Variants in ABHD6 observed in about 807,000 individuals in gnomAD.
The protein encoded by ABHD6 is abhydrolase domain containing 6, acylglycerol lipase, also known as monoacylglycerol lipase ABHD6.
In ABHD6, 33 loss-of-function variants were observed where a neutral mutation model predicts 38.8. The observed-to-expected ratio is 0.85, with a 90% CI of 0.64 to 1.14. The LOEUF is 1.14. Ranked by LOEUF, ABHD6 falls within the 50% of genes most tolerant of loss-of-function variation. The probability of loss-of-function intolerance (pLI) is 0.00; values close to 1 mark genes in which losing one functional copy is unlikely to be tolerated. For synonymous variants in ABHD6, 147 were observed against 161.6 expected, an observed-to-expected ratio of 0.91 and a Z score of 0.69; for missense variants, 380 against 422.6, an observed-to-expected ratio of 0.90 and a Z score of 0.88.
Position 58,281,046 on chromosome 3 carries a change from G to A in ABHD6, c.682-4039G>A, listed in dbSNP as rs543833287. Among the ~76,000 whole-genome samples, 17 of 152,314 alleles carry A rather than the reference G, an allele frequency of 1.1e-4. No homozygotes were observed. In the South Asian group the frequency reaches 2.7e-3, roughly 24 times the overall value. ...GAGGTGTCTCCCAGTTAGGCTACAC[G>A]AGGGTCAGGGACCCACTTGAGGAGG... On this transcript the variant is annotated intron_variant, in intron 7 of 9. Transcript: ENST00000478253.
intron 9 of ABHD6, among the ~76,000 whole-genome samples, chr3:58,292,880 C>G (rs2097464253): frequency 6.6e-6 from 1 of 152,174 alleles, no homozygotes; most frequent in African/African-American, 2.4e-5. Flanking sequence ...CACGCCACTT[C>G]ATTCCAGCCT....
At position 58,265,903 on chromosome 3, in the gene ABHD6, C is replaced by T. The variant is rs934630070; in HGVS notation, c.120-1286C>T. On this transcript the variant is annotated intron_variant, in intron 3 of 9. Transcript: ENST00000478253. This position sits in a 1 kb window ranked among gnomAD's most constrained non-coding sequence, Gnocchi z 4.2. ...CATTAATCTATTTATGAAGGCAAAACTGTCAGGGCCTAATTACCTCTTAAC... is the reference window on the plus strand; with the variant it reads ...CATTAATCTATTTATGAAGGCAAAATTGTCAGGGCCTAATTACCTCTTAAC... Among the ~76,000 whole-genome samples the T allele has an allele frequency of 2.0e-5, 3 of 152,166 alleles. No homozygotes were observed. Among genetic ancestry groups the T allele is most frequent in the Non-Finnish European group, 4.4e-5 (3 of 68,036 alleles).
rs2107458526 is a variant in ABHD6, at chr3:58,273,298, A to G, written c.524-1360A>G. ...GATTTTGCTGGGTGAGGTAGCTCAC[A>G]CCTGTAATCCCAACACTTTGGGAGG... On this transcript the variant is annotated intron_variant, in intron 6 of 9. Coordinates refer to ENST00000478253, the MANE Select transcript of ABHD6 (RefSeq NM_001320126.2). The surrounding 1 kb of genome is among the most constrained non-coding windows in gnomAD (Gnocchi z 4.8). Among the ~76,000 whole-genome samples the G allele has an allele frequency of 6.6e-6, 1 of 152,234 alleles. No homozygotes were observed. The highest frequency in any genetic ancestry group is 3.4e-3 in the Middle Eastern group (1 of 294).
intron 9 of ABHD6, among the ~76,000 whole-genome samples, chr3:58,291,533 A>G (rs544547853): frequency 1.3e-5 from 2 of 152,264 alleles, no homozygotes; most frequent in South Asian, 2.1e-4. Context: ...TGCTGATATT[A>G]TAGGTGTGAG....
rs2097440967 is a variant in ABHD6, at chr3:58,266,388, G to A, written c.120-801G>A. Among the ~76,000 whole-genome samples, 1 of 151,024 alleles carries A rather than the reference G, an allele frequency of 6.6e-6. No individual in the cohort carries two copies. The highest frequency in any genetic ancestry group is 1.9e-4 in the East Asian group (1 of 5,166). Reference sequence around the variant, plus strand: ...GAACCCGGGAGGTGGAGGTTGCAGTGAGCGGAAATTGCCCCAGCGTGGGTG... The same window carrying A: ...GAACCCGGGAGGTGGAGGTTGCAGTAAGCGGAAATTGCCCCAGCGTGGGTG... On this transcript the variant is annotated intron_variant, in intron 3 of 9. Transcript: ENST00000478253. This position sits in a 1 kb window ranked among gnomAD's most constrained non-coding sequence, Gnocchi z 4.0.
intron 3 of ABHD6, among the ~76,000 whole-genome samples, chr3:58,261,208 A>C (rs568565590): frequency 4.2e-4 from 64 of 152,328 alleles, no homozygotes; most frequent in African/African-American, 1.5e-3. Context: ...ACTTATATAA[A>C]TATAAGAAAG....
chr3:58,291,999 G>A (rs1172364269), intron 9 of ABHD6, among the ~76,000 whole-genome samples: 2 of 152,328 alleles, frequency 1.3e-5, no homozygotes, highest in East Asian at 3.9e-4. Context: ...TTTTCATGCT[G>A]TTTTCACCTA....
intron 7 of ABHD6, among the ~76,000 whole-genome samples, chr3:58,275,082 A>C (rs1390131154): frequency 6.6e-6 from 1 of 152,218 alleles, no homozygotes; most frequent in Non-Finnish European, 1.5e-5. Flanking sequence ...ACCAGTGGTC[A>C]TGAGTTTTAT....
chr3:58,256,452 T>G lies in ABHD6; in HGVS notation c.-25-110T>G. 1 of 639,392 alleles carries G rather than the reference T, an allele frequency of 1.6e-6. No homozygotes were observed. The highest frequency in any genetic ancestry group is 2.8e-5 in the East Asian group (1 of 35,262). 39.6% of individuals were successfully genotyped at this position (639,392 alleles called of 1,614,324 possible). On this transcript the variant is annotated intron_variant, in intron 2 of 9. Coordinates refer to ENST00000478253, the MANE Select transcript of ABHD6 (RefSeq NM_001320126.2). This position sits in a 1 kb window ranked among gnomAD's most constrained non-coding sequence, Gnocchi z 4.3. ...GCACTTGCCTGCTTTGGTTTCCTCC[T>G]GTTCTTTACCCTCACTCTGGGAACT...
At chr3:58,246,766 C>T (rs1453520577) in intron 1 of ABHD6, among the ~76,000 whole-genome samples, 2 of 152,252 alleles carry the variant, frequency 1.3e-5, no homozygotes, top group Non-Finnish European at 2.9e-5. Context: ...ACAATAAGAA[C>T]GTTTATCATT....
In ABHD6 at chr3:58,253,168, T is replaced by A. The variant is rs201993798; in HGVS notation, c.-26+3226T>A. ...CAGGCACCGACAGAGCACAGAGGGGTTTTTTTTTTTTGATGATCATGCCTT... is the reference window on the plus strand; with the variant it reads ...CAGGCACCGACAGAGCACAGAGGGGATTTTTTTTTTTGATGATCATGCCTT... On this transcript the variant is annotated intron_variant, in intron 2 of 9. Transcript: ENST00000478253. Among the ~76,000 whole-genome samples, 92 of 12,660 alleles carry A rather than the reference T, an allele frequency of 7.3e-3. 2 individuals are homozygous for A. Among genetic ancestry groups the A allele is most frequent in the Admixed American group, 0.022 (28 of 1,260 alleles). 8.3% of individuals were successfully genotyped at this position (12,660 alleles called of 152,430 possible). A position where few individuals can be genotyped will look rare whatever the true frequency, so the allele number is the denominator to read the frequency against.
intron 9 of ABHD6, among the ~76,000 whole-genome samples, chr3:58,292,505 T>C (rs2097463956): frequency 6.6e-6 from 1 of 152,064 alleles, no homozygotes; most frequent in East Asian, 1.9e-4. Flanking sequence ...GGAAATGAGT[T>C]GTTTGAAAAG....
rs2097420587 is a variant in ABHD6 at position 58,238,427 on chromosome 3, T to G, written c.-91+511T>G. 1 of 152,814 alleles carries G rather than the reference T, an allele frequency of 6.5e-6. No homozygotes were observed. Among genetic ancestry groups the G allele is most frequent in the African/African-American group, 2.4e-5 (1 of 41,454 alleles). 9.5% of individuals were successfully genotyped at this position (152,814 alleles called of 1,614,324 possible). ...TCCCCCAGCAGCCTTTCAGCTTCCC[T>G]TTCCCCAGCCTGCCCCGGCTCCCGT... On this transcript the variant is annotated intron_variant, in intron 1 of 9. Transcript: ENST00000478253. The surrounding 1 kb of genome is among the most constrained non-coding windows in gnomAD (Gnocchi z 6.9).
At chr3:58,268,876 A>G (rs986473277) in intron 4 of ABHD6, among the ~76,000 whole-genome samples, 1 of 152,198 alleles carries the variant, frequency 6.6e-6, no homozygotes, top group African/African-American at 2.4e-5. Context: ...GGGTGATCAG[A>G]TGTGGTTCTT....
At chr3:58,252,103 C>T (rs1318157372) in intron 2 of ABHD6, among the ~76,000 whole-genome samples, 1 of 152,152 alleles carries the variant, frequency 6.6e-6, no homozygotes, top group African/African-American at 2.4e-5. Context: ...CACACTGGTG[C>T]CCCCAGCCTG....
Position 58,286,846 on chromosome 3 carries a change from G to GTATATATATATATA in ABHD6, c.837+1394_837+1395insATATATATATATAT, listed in dbSNP as rs57921434. 2.1e-3 allele frequency among the ~76,000 whole-genome samples: 188 copies of GTATATATATATATA among 90,178 alleles called. 8 individuals are homozygous for GTATATATATATATA. The East Asian group carries it at 0.03, about 15-fold the overall frequency. 59.2% of individuals were successfully genotyped at this position (90,178 alleles called of 152,430 possible). A position where few individuals can be genotyped will look rare whatever the true frequency, so the allele number is the denominator to read the frequency against. ...TATGTGTGTGTGTGTGTGTGTGTGT[G>GTATATATATATATA]TGTGTGTATATATATATATATATGT... On this transcript the variant is annotated intron_variant, in intron 9 of 9. Coordinates refer to ENST00000478253, the MANE Select transcript of ABHD6 (RefSeq NM_001320126.2).
Position 58,285,193 on chromosome 3 carries a change from G to A in ABHD6, c.736+54G>A, listed in dbSNP as rs764710210. The stretch of plus-strand genomic sequence containing the variant: ...TTGTTACAAGTGAAGCTCTGTGGAT[G>A]GATGGCTTTTATTTCTTAAATCTCT... On this transcript the variant is annotated intron_variant, in intron 8 of 9. Coordinates refer to ENST00000478253, the MANE Select transcript of ABHD6 (RefSeq NM_001320126.2). This position sits in a 1 kb window ranked among gnomAD's most constrained non-coding sequence, Gnocchi z 4.9. 1 of 1,579,852 alleles carries A rather than the reference G, an allele frequency of 6.3e-7. No homozygotes were observed. Among genetic ancestry groups the A allele is most frequent in the African/African-American group, 1.3e-5 (1 of 74,156 alleles).
At chr3:58,262,400 G>A (rs986590476) in intron 3 of ABHD6, among the ~76,000 whole-genome samples, 2 of 152,192 alleles carry the variant, frequency 1.3e-5, no homozygotes, top group African/African-American at 4.8e-5. Context: ...AGAGACATAG[G>A]ATGAGGACTC....
intron 1 of ABHD6, among the ~76,000 whole-genome samples, chr3:58,246,701 C>T (rs2097426640): frequency 6.6e-6 from 1 of 151,632 alleles, no homozygotes; most frequent in African/African-American, 2.4e-5. Flanking sequence ...CTCCCAGAAT[C>T]ACGAAGGAGA....
Sources: gnomAD v4.1 joint callset for allele counts (sites outside exome capture counted in the v4.1 genomes callset) on GRCh38, gnomAD v4.1.1 for gene constraint, Gnocchi (gnomAD v3.1) non-coding constraint, MANE v1.5 for transcripts, NCBI Gene and HGNC (gene_info 2026-07-23, HGNC 2026-07-21) for gene names.